The following TAAR5 variants were observed in gnomAD, a reference collection of about 807,000 sequenced individuals.
TAAR5 encodes trace amine-associated receptor 5.
A neutral mutation model predicts 21.1 loss-of-function variants in TAAR5; 27 were observed. The ratio of observed to expected loss-of-function variants is 1.28; its 90% CI spans 0.94 to 1.76. TAAR5 has a LOEUF of 1.76. Ranked by LOEUF, TAAR5 falls within the 40% of genes most tolerant of loss-of-function variation. The pLI, the probability that TAAR5 is intolerant of heterozygous loss-of-function variation, is 0.00. For synonymous variants in TAAR5, 203 were observed against 167.5 expected, an observed-to-expected ratio of 1.21 and a Z score of -1.64; for missense variants, 495 against 405.6, an observed-to-expected ratio of 1.22 and a Z score of -1.89.
At chr6:132,608,042 CAATT>C in the TAAR5 span, among the ~76,000 whole-genome samples, 1 of 152,240 alleles carries the variant, frequency 6.6e-6, no homozygotes, top group Admixed American at 6.5e-5. Context: ...AGTGGGTTAA[CAATT>C]AACAAATAAT....
Position 132,589,262 on chromosome 6 carries a change from T to C in TAAR5, c.425A>G (p.Tyr142Cys), listed in dbSNP as rs773688456. The C allele has an allele frequency of 8.1e-6, 13 of 1,609,674 alleles. No individual in the cohort carries two copies. Among genetic ancestry groups the C allele is most frequent in the South Asian group, 1.1e-5 (1 of 90,094 alleles). ...CACCCTCACTGTGAACTTGGAGGGA[T>C]AGAGCAGGGGGTCACAGATGGCACA... ...RHCAICDPLLYPSKFTVRVAL... is the reference protein window; with the variant it reads ...RHCAICDPLLCPSKFTVRVAL... Residue 142 changes from tyrosine to cysteine, a missense_variant, in exon 1 of 1, where the codon TAT becomes TGT. Physicochemically the swap from Tyr to Cys is radical, Grantham distance 194 (BLOSUM62 -2). Transcript: ENST00000258034.
At chr6:132,614,268 C>G in the TAAR5 span, among the ~76,000 whole-genome samples, 1 of 152,100 alleles carries the variant, frequency 6.6e-6, no homozygotes, top group Non-Finnish European at 1.5e-5. Flanking sequence ...GTTGAAATAC[C>G]TAACTACATT....
chr6:132,600,803 AGGAAGGAAGGAAGGAGGGAG>A, the TAAR5 span, among the ~76,000 whole-genome samples: 4 of 112,774 alleles, frequency 3.5e-5, no homozygotes, highest in African/African-American at 1.5e-4. Flanking sequence ...GAGGGGAGGA[AGGAAGGAAGGAAGGAGGGAG>A]GGAAGGAAGG....
chr6:132,602,779 C>CAAAAAA, the TAAR5 span, among the ~76,000 whole-genome samples: 5 of 95,950 alleles, frequency 5.2e-5, no homozygotes, highest in African/African-American at 2.0e-4. Flanking sequence ...CTTTAGAAGT[C>CAAAAAA]AAAAAAAAAA....
chr6:132,608,233 G>A, the TAAR5 span: 1 of 407,602 alleles, frequency 2.5e-6, no homozygotes, highest in South Asian at 1.8e-5. Context: ...ATTCACTTTT[G>A]CAACAGCTTT....
the TAAR5 span, among the ~76,000 whole-genome samples, chr6:132,598,252 C>T: frequency 5.9e-5 from 9 of 152,126 alleles, no homozygotes; most frequent in African/African-American, 2.2e-4. Context: ...GAAAGATTTG[C>T]TGTGGGTCTT....
chr6:132,612,276 AT>A, the TAAR5 span, among the ~76,000 whole-genome samples: 1 of 152,358 alleles, frequency 6.6e-6, no homozygotes, highest in South Asian at 2.1e-4. Context: ...CGCTAGAGAT[AT>A]ATGTTTGAAT....
chr6:132,588,648 C>G lies in TAAR5; in HGVS notation c.*25G>C. 6.3e-7 allele frequency: 1 copy of G among 1,588,734 alleles called. No homozygotes were observed. The highest frequency in any genetic ancestry group is 8.6e-7 in the Non-Finnish European group (1 of 1,166,066). ...CTTATCTTTCCTGTGAGGTCCTACT[C>G]CTTGCCTGCATTTAGTAGAAGGAAT... On this transcript the variant is annotated 3_prime_UTR_variant, in exon 1 of 1. Transcript: ENST00000258034.
chr6:132,607,112 T>G, the TAAR5 span, among the ~76,000 whole-genome samples: 2 of 152,152 alleles, frequency 1.3e-5, no homozygotes, highest in African/African-American at 4.8e-5. Flanking sequence ...GGAGGATTGC[T>G]TGATCCCAGG....
the TAAR5 span, among the ~76,000 whole-genome samples, chr6:132,610,705 CTGTT>C: frequency 6.6e-6 from 1 of 152,198 alleles, no homozygotes; most frequent in Non-Finnish European, 1.5e-5. Context: ...ATAGAGCTGA[CTGTT>C]CCATGTGACT....
upstream of TAAR5, among the ~76,000 whole-genome samples, chr6:132,592,895 A>C (rs1032512061): frequency 1.3e-5 from 2 of 152,170 alleles, no homozygotes; most frequent in Non-Finnish European, 2.9e-5. Context: ...ATTGCTAAGC[A>C]ACAGTGGTCC....
upstream of TAAR5, among the ~76,000 whole-genome samples, chr6:132,591,983 T>C (rs1360873171): frequency 6.6e-6 from 1 of 152,132 alleles, no homozygotes; most frequent in Non-Finnish European, 1.5e-5. Flanking sequence ...AGAGTTCGAG[T>C]GGATATCTAG....
chr6:132,601,559 G>A, the TAAR5 span, among the ~76,000 whole-genome samples: 7 of 152,034 alleles, frequency 4.6e-5, no homozygotes, highest in African/African-American at 1.7e-4. Flanking sequence ...AAACAACCAC[G>A]GTATTTACTG....
the TAAR5 span, among the ~76,000 whole-genome samples, chr6:132,600,695 A>G: frequency 6.6e-6 from 1 of 151,558 alleles, no homozygotes; most frequent in African/African-American, 2.4e-5. Context: ...TCCCCAAAGA[A>G]GAAAAAAACT....
rs745454318 is a variant in TAAR5, at chr6:132,588,788, C to A, written c.899G>T (p.Cys300Phe). ...GGAAAAGACATAGATGATGGGGTTG[C>A]AGGCTGAGTTGAAGTAAGCAAACCA... ...FIWFAYFNSA[C>F]NPIIYVFSYQ... The change falls in exon 1 of 1, where the codon TGC becomes TTC. Residue 300 changes from cysteine (C) to phenylalanine (F), a missense_variant. Cys to Phe is a radical substitution (Grantham distance 205). Transcript: ENST00000258034. The A allele has an allele frequency of 3.4e-5, 55 of 1,613,928 alleles. No homozygotes were observed. Among genetic ancestry groups the A allele is most frequent in the Admixed American group, 1.7e-4 (10 of 59,996 alleles).
chr6:132,615,877 A>AAC, the TAAR5 span, among the ~76,000 whole-genome samples: 3,856 of 145,164 alleles, frequency 0.027, 89 homozygotes, highest in Admixed American at 0.074. Flanking sequence ...ACCATGTATA[A>AAC]ACACACACAC....
Position 132,588,911 on chromosome 6 carries a change from C to G in TAAR5, c.776G>C (p.Gly259Ala). The change falls in exon 1 of 1, where the codon GGC (glycine) becomes GCC (alanine). Residue 259 changes from glycine (G) to alanine (A), a missense_variant. Coordinates refer to ENST00000258034, the MANE Select transcript of TAAR5 (RefSeq NM_003967.3). ...KAAKTLGIAVGIYLLCWLPFT... is the reference protein window; with the variant it reads ...KAAKTLGIAVAIYLLCWLPFT... ...GGGCAGCCAGCACAAGAGGTATATG[C>G]CCACAGCAATGCCCAGGGTCTTGGC... 1 of 1,614,082 alleles carries G rather than the reference C, an allele frequency of 6.2e-7. No homozygotes were observed. Among genetic ancestry groups the G allele is most frequent in the Non-Finnish European group, 8.5e-7 (1 of 1,179,994 alleles).
chr6:132,613,440 T>C, the TAAR5 span, among the ~76,000 whole-genome samples: 26,397 of 152,144 alleles, frequency 0.17, 2,860 homozygotes, highest in East Asian at 0.31. Context: ...CAACAAAATT[T>C]TTATGTTATC....
the TAAR5 span, among the ~76,000 whole-genome samples, chr6:132,614,392 T>A: frequency 6.6e-6 from 1 of 152,230 alleles, no homozygotes; most frequent in African/African-American, 2.4e-5. Flanking sequence ...TAAGACCTTT[T>A]ACCAGAAAAT....
Sources: allele counts gnomAD v4.1 joint callset (sites outside exome capture counted in the v4.1 genomes callset), GRCh38; gene constraint gnomAD v4.1.1; transcripts MANE v1.5; gene names NCBI Gene and HGNC (gene_info 2026-07-23, HGNC 2026-07-21).